LIG3: variants seen among roughly 807,000 people sequenced by gnomAD.
LIG3 encodes the protein ligase II, DNA, ATP-dependent.
LIG3 carries 58 observed loss-of-function variants against 110.9 expected under a neutral mutation model. The ratio of observed to expected loss-of-function variants is 0.52; its 90% CI spans 0.42 to 0.65. The LOEUF (loss-of-function observed/expected upper bound fraction) is 0.65, where lower values mean the gene tolerates loss of function less well. Among genes scored for constraint, LIG3 ranks in the 30% least tolerant of loss-of-function variants. The pLI, the probability that LIG3 is intolerant of heterozygous loss-of-function variation, is 0.00. For missense variants in LIG3, 1,094 were observed against 1,273.8 expected, an observed-to-expected ratio of 0.86 and a Z score of 2.15; for synonymous variants, 422 against 472.8, an observed-to-expected ratio of 0.89 and a Z score of 1.39.
At chr17:34,992,058 G>A in intron 7 of LIG3, 23 bp downstream of exon 7, 2 of 1,601,294 alleles carry the variant, frequency 1.2e-6, no homozygotes, top group Non-Finnish European at 1.7e-6. Flanking sequence ...TCCGCTGACA[G>A]CCTGAGCTGT....
chr17:35,001,389 C>G lies in LIG3; in HGVS notation c.2464C>G (p.Leu822Val), dbSNP rs200768752. The G allele has an allele frequency of 2.5e-6, 4 of 1,614,178 alleles. No individual in the cohort carries two copies. The highest frequency in any genetic ancestry group is 3.4e-6 in the Non-Finnish European group (4 of 1,180,002). The stretch of plus-strand genomic sequence containing the variant: ...TAAGGACTGGAAATCTGCCACTAAC[C>G]TTCCCCAACTCAAGGTAGCAGCTCT... The part of the protein sequence containing the change: ...DDKDWKSATN[L>V]PQLKELYQLS... Residue 822 changes from leucine to valine, a missense_variant, in exon 17 of 20, where the codon CTT (leucine) becomes GTT (valine). Physicochemically the swap from Leu to Val is conservative, Grantham distance 32. Coordinates refer to ENST00000378526, the MANE Select transcript of LIG3 (RefSeq NM_013975.4).
chr17:34,998,533 C>A, intron 13 of LIG3, 71 bp from the exon 14 acceptor site: 1 of 1,569,274 alleles, frequency 6.4e-7, no homozygotes, highest in Non-Finnish European at 8.7e-7. Flanking sequence ...TGGTGTGTAG[C>A]AGTGAAGGGG....
In LIG3 at chr17:35,004,404, G is replaced by T; in HGVS notation, c.2928G>T (p.Thr976=). 3.1e-6 allele frequency: 5 copies of T among 1,614,190 alleles called. No individual in the cohort carries two copies. Among genetic ancestry groups the T allele is most frequent in the Non-Finnish European group, 4.2e-6 (5 of 1,180,022 alleles). Residue 976 remains threonine (T), a synonymous_variant, in exon 20 of 20, where the codon ACG becomes ACT. Coordinates refer to ENST00000378526, the MANE Select transcript of LIG3 (RefSeq NM_013975.4). ...LVQEFDMTSA[T]HVLGSRDKNP... ...AGGAATTTGATATGACTTCAGCCAC[G>T]CACGTGCTGGGTAGCAGGGACAAGA...
At chr17:34,988,380 A>G (rs1379194477) in intron 3 of LIG3, among the ~76,000 whole-genome samples, 1 of 152,050 alleles carries the variant, frequency 6.6e-6, no homozygotes, top group Non-Finnish European at 1.5e-5. Flanking sequence ...CTGGTTGAAC[A>G]TTGACACTTT....
In LIG3 at chr17:34,996,145, GACA is replaced by G. The variant is rs1190369483; in HGVS notation, c.1698_1700del (p.Asn566del). On this transcript the variant is annotated inframe_deletion, in exon 10 of 20. Coordinates refer to ENST00000378526, the MANE Select transcript of LIG3 (RefSeq NM_013975.4). ...CTTGGATTCTGAAGTGCTTCTGATT[GACA>G]ACAAGACAGGCAAACCACTGCCCTT... 5.6e-6 allele frequency: 9 copies of G among 1,614,014 alleles called. No individual in the cohort carries two copies. Among genetic ancestry groups the G allele is most frequent in the East Asian group, 2.2e-5 (1 of 44,888 alleles).
At chr17:34,980,755 G>T (rs1217386219) in intron 1 of LIG3, 133 bp downstream of exon 1, 4 of 347,986 alleles carry the variant, frequency 1.1e-5, no homozygotes, top group Non-Finnish European at 1.6e-5. Flanking sequence ...CGGAGCCCCG[G>T]GGCACACCCT....
At chr17:35,000,728 A>G (rs1337741686) in intron 16 of LIG3, among the ~76,000 whole-genome samples, 1 of 139,622 alleles carries the variant, frequency 7.2e-6, no homozygotes, top group Non-Finnish European at 1.5e-5. Context: ...CAGTTCTCTC[A>G]CCTCAGTCTC....
Position 34,983,071 on chromosome 17 carries a change from C to A in LIG3, c.66C>A (p.Cys22Ter), listed in dbSNP as rs765075191. 6.2e-7 allele frequency: 1 copy of A among 1,613,520 alleles called. No homozygotes were observed. The highest frequency in any genetic ancestry group is 8.5e-7 in the Non-Finnish European group (1 of 1,179,804). The change falls in exon 2 of 20, where the codon TGC becomes TGA. Residue 22 changes from cysteine to a stop codon, truncating the protein, a stop_gained. Transcript: ENST00000378526. LOFTEE classifies it high-confidence loss of function. ...TLRALSRKELCLFRKHHWRDV... is the reference protein window; with the variant it reads ...TLRALSRKEL ...GTGCACTCAGCCGAAAAGAACTGTGCCTATTCCGAAAACATCACTGGCGTG... is the reference window on the plus strand; with the variant it reads ...GTGCACTCAGCCGAAAAGAACTGTGACTATTCCGAAAACATCACTGGCGTG...
intron 9 of LIG3, 115 bp from the exon 10 acceptor site, chr17:34,995,949 G>A (rs539977779): frequency 1.1e-5 from 14 of 1,311,438 alleles, no homozygotes; most frequent in Middle Eastern, 2.7e-4. Context: ...ACATTAGCTG[G>A]GCCTTCCACA....
downstream of LIG3, chr17:35,009,929 A>G (rs1007218727): frequency 1.3e-5 from 2 of 152,628 alleles, no homozygotes; most frequent in Non-Finnish European, 2.9e-5. Context: ...GGCATTGTAA[A>G]CTATAGTATT....
chr17:34,990,560 G>A lies in LIG3; in HGVS notation c.890-403G>A, dbSNP rs563607636. Among the ~76,000 whole-genome samples, 22 of 152,184 alleles carry A rather than the reference G, an allele frequency of 1.4e-4. No homozygotes were observed. The East Asian group carries it at 3.3e-3, about 23-fold the overall frequency. On this transcript the variant is annotated intron_variant, in intron 4 of 19. Transcript: ENST00000378526. ...CTGCTAAAGTGCTGGGATCACAGGC[G>A]TGAGCCACCATGCGCGGTCTGAGTT... is the stretch of plus-strand genomic sequence containing the variant.
Position 35,005,061 on chromosome 17 carries a change from T to G in LIG3, c.*555T>G. The stretch of plus-strand genomic sequence containing the variant: ...AAGAAAACAAAATGAATTTTTTTAC[T>G]TTCTTCTCTGTGTTCTCCTATTACA... On this transcript the variant is annotated 3_prime_UTR_variant, in exon 20 of 20. Transcript: ENST00000378526. The G allele has an allele frequency of 3.3e-6, 1 of 303,242 alleles. No homozygotes were observed. The highest frequency in any genetic ancestry group is 6.5e-6 in the Non-Finnish European group (1 of 153,176). 18.8% of individuals were successfully genotyped at this position (303,242 alleles called of 1,614,324 possible). A position where few individuals can be genotyped will look rare whatever the true frequency, so the allele number is the denominator to read the frequency against.
At chr17:34,994,562 T>A in intron 9 of LIG3, 131 bp downstream of exon 9, 1 of 938,608 alleles carries the variant, frequency 1.1e-6, no homozygotes, top group Non-Finnish European at 1.6e-6. Flanking sequence ...TTGAATGAAT[T>A]AATTCATTTA....
Position 35,004,305 on chromosome 17 carries a change from T to G in LIG3, c.2829T>G (p.Leu943=). ...TGGACATCTTCACTGGGGTGCGGCT[T>G]TACTTGCCACCCTCCACACCAGACT... is the stretch of plus-strand genomic sequence containing the variant. ...VLLDIFTGVR[L]YLPPSTPDFS... Residue 943 remains leucine (L), a synonymous_variant, in exon 20 of 20, where the codon CTT becomes CTG. Coordinates refer to ENST00000378526, the MANE Select transcript of LIG3 (RefSeq NM_013975.4). 2 of 1,614,140 alleles carry G rather than the reference T, an allele frequency of 1.2e-6. No homozygotes were observed. The highest frequency in any genetic ancestry group is 8.5e-7 in the Non-Finnish European group (1 of 1,180,010).
In LIG3 at chr17:34,998,223, C is replaced by T. The variant is rs1254947038; in HGVS notation, c.1916C>T (p.Ala639Val). The T allele has an allele frequency of 1.2e-6, 2 of 1,612,438 alleles. No homozygotes were observed. The highest frequency in any genetic ancestry group is 2.7e-5 in the African/African-American group (2 of 74,888). ...AGCATCTCTCTTGTCCCTCAGAAAG[C>T]TTTGGACTTGGCTGACATGATAACC... The part of the protein sequence containing the change: ...MFSEMKRVTK[A>V]LDLADMITRV... Residue 639 changes from alanine (A) to valine (V), a missense_variant, in exon 13 of 20, where the codon GCT becomes GTT. Ala to Val is a moderately conservative substitution (Grantham distance 64). Transcript: ENST00000378526.
At chr17:34,986,899 A>G (rs2090661778) in intron 3 of LIG3, among the ~76,000 whole-genome samples, 1 of 152,160 alleles carries the variant, frequency 6.6e-6, no homozygotes, top group Non-Finnish European at 1.5e-5. Context: ...CTGGAACTTC[A>G]TGGAACACAA....
rs185244028 is a variant in LIG3, at chr17:34,989,682, G to A, written c.889+19G>A. ...GCAGGAGGTGTGGCATGAGCATCCT[G>A]AATAGGCCTTTCCTCCGGAGAGCTC... On this transcript the variant is annotated intron_variant, in intron 4 of 19. Transcript: ENST00000378526. The A allele has an allele frequency of 6.2e-6, 10 of 1,612,768 alleles. No homozygotes were observed. In the Admixed American group the frequency reaches 1.5e-4, roughly 24 times the overall value.
In LIG3 at chr17:34,980,512, G is replaced by A; in HGVS notation, c.-115G>A. ...CTCTTGCGCCTGCGCGCTGCCTCCCGCTCTAGGACCCGGATTTAAAGAGAC... is the reference window on the plus strand; with the variant it reads ...CTCTTGCGCCTGCGCGCTGCCTCCCACTCTAGGACCCGGATTTAAAGAGAC... On this transcript the variant is annotated 5_prime_UTR_variant, in exon 1 of 20. Transcript: ENST00000378526. 2 of 1,270,812 alleles carry A rather than the reference G, an allele frequency of 1.6e-6. No homozygotes were observed. The highest frequency in any genetic ancestry group is 2.1e-6 in the Non-Finnish European group (2 of 974,234). 78.7% of individuals were successfully genotyped at this position (1,270,812 alleles called of 1,614,324 possible). A position where few individuals can be genotyped will look rare whatever the true frequency, so the allele number is the denominator to read the frequency against.
chr17:34,995,218 T>C (rs1276936881), intron 9 of LIG3, among the ~76,000 whole-genome samples: 1 of 152,210 alleles, frequency 6.6e-6, no homozygotes, highest in African/African-American at 2.4e-5. Flanking sequence ...GCCTTCCTGC[T>C]GGAGCATTGG....
Sources: gnomAD v4.1 joint callset for allele counts (sites outside exome capture counted in the v4.1 genomes callset) on GRCh38, gnomAD v4.1.1 for gene constraint, MANE v1.5 for transcripts, NCBI Gene and HGNC (gene_info 2026-07-23, HGNC 2026-07-21) for gene names.